Variants in SOX5 observed in about 807,000 individuals in gnomAD.
SOX5 encodes the protein SRY-box transcription factor 5.
In SOX5, 9 loss-of-function variants were observed where a neutral mutation model predicts 92.0. The ratio of observed to expected loss-of-function variants is 0.10; its 90% CI spans 0.06 to 0.17. The LOEUF is 0.17. SOX5 is among the 10% of genes least tolerant of loss of function. The pLI is 1.00. For missense variants in SOX5, 642 were observed against 944.5 expected, an observed-to-expected ratio of 0.68 and a Z score of 4.20; for synonymous variants, 344 against 336.3, an observed-to-expected ratio of 1.02 and a Z score of -0.25.
At chr12:23,727,098 T>C (rs950997663) in intron 6 of SOX5, among the ~76,000 whole-genome samples, 2 of 151,782 alleles carry the variant, frequency 1.3e-5, no homozygotes, top group Non-Finnish European at 2.9e-5. Context: ...AAAGAAAAAA[T>C]GTCCTTCCAT....
chr12:24,137,502 C>T (rs1238949480), intron 4 of SOX5, among the ~76,000 whole-genome samples: 1 of 152,012 alleles, frequency 6.6e-6, no homozygotes, highest in Non-Finnish European at 1.5e-5. Context: ...CATGGTGGCG[C>T]GCACCTGTAA....
intron 8 of SOX5, among the ~76,000 whole-genome samples, chr12:23,625,154 C>T (rs985697549): frequency 5.3e-5 from 8 of 152,298 alleles, no homozygotes; most frequent in African/African-American, 1.9e-4. Flanking sequence ...TAAAGCAATT[C>T]TTTCCATTTC....
chr12:24,297,609 T>G (rs930864211), intron 2 of SOX5, among the ~76,000 whole-genome samples: 1 of 152,182 alleles, frequency 6.6e-6, no homozygotes, highest in Non-Finnish European at 1.5e-5. Flanking sequence ...GCCGAGAAGA[T>G]CTGATACCTT....
chr12:24,401,939 T>C (rs1961807354), intron 1 of SOX5, among the ~76,000 whole-genome samples: 1 of 152,130 alleles, frequency 6.6e-6, no homozygotes, highest in Admixed American at 6.5e-5. Context: ...GTATTTAGAA[T>C]GTATAACATA....
chr12:24,148,992 T>C (rs969443472), intron 4 of SOX5, among the ~76,000 whole-genome samples: 1 of 152,148 alleles, frequency 6.6e-6, no homozygotes, highest in African/African-American at 2.4e-5. Flanking sequence ...AAGTATAGTG[T>C]TTTTAATAAG....
intron 6 of SOX5, among the ~76,000 whole-genome samples, chr12:23,682,784 T>C (rs1380541408): frequency 6.6e-6 from 1 of 151,814 alleles, no homozygotes; most frequent in Admixed American, 6.6e-5. Flanking sequence ...AAAATGTTTT[T>C]CAAAAATTGA....
intron 1 of SOX5, among the ~76,000 whole-genome samples, chr12:24,407,317 G>T (rs192751698): frequency 2.6e-5 from 4 of 152,270 alleles, no homozygotes; most frequent in East Asian, 1.9e-4. Context: ...AAAGAACTGG[G>T]ATCCACCCCC....
At chr12:24,323,903 T>A (rs1385839418) in intron 2 of SOX5, among the ~76,000 whole-genome samples, 1 of 152,122 alleles carries the variant, frequency 6.6e-6, no homozygotes, top group African/African-American at 2.4e-5. Flanking sequence ...TAGCTAAGTT[T>A]CTAAATTTCT....
At chr12:23,805,714 T>G (rs1377596557) in intron 3 of SOX5, among the ~76,000 whole-genome samples, 2 of 152,180 alleles carry the variant, frequency 1.3e-5, no homozygotes, top group Non-Finnish European at 2.9e-5. Flanking sequence ...GGATGATCTA[T>G]ACAAATGTAT....
chr12:23,700,060 T>C (rs2090415737), intron 6 of SOX5, among the ~76,000 whole-genome samples: 1 of 152,146 alleles, frequency 6.6e-6, no homozygotes, highest in Non-Finnish European at 1.5e-5. Context: ...GCTATACCTG[T>C]TCTCTCTCTG....
intron 4 of SOX5, among the ~76,000 whole-genome samples, chr12:24,121,358 G>A (rs913157924): frequency 1.3e-5 from 2 of 152,172 alleles, no homozygotes; most frequent in African/African-American, 2.4e-5. Context: ...TCACATGTCT[G>A]AACAGAATCT....
At chr12:23,536,137 G>T (rs982228334) in intron 14 of SOX5, among the ~76,000 whole-genome samples, 1 of 152,206 alleles carries the variant, frequency 6.6e-6, no homozygotes, top group African/African-American at 2.4e-5. Context: ...TGAAGCTTAG[G>T]AAGTAATGCA....
At chr12:23,800,843 A>G (rs972532642) in intron 3 of SOX5, among the ~76,000 whole-genome samples, 6 of 152,150 alleles carry the variant, frequency 3.9e-5, no homozygotes, top group African/African-American at 1.2e-4. Flanking sequence ...CTGTTTGCTT[A>G]TCTGTCAAAT....
At chr12:23,950,950 G>T (rs966550080), upstream of SOX5, 13 of 1,322,134 alleles carry the variant, frequency 9.8e-6, no homozygotes, top group Non-Finnish European at 1.4e-5. Flanking sequence ...ACCAACAGGA[G>T]ATAGTGTGCA....
intron 4 of SOX5, among the ~76,000 whole-genome samples, chr12:24,207,944 T>C (rs1958189251): frequency 6.6e-6 from 1 of 152,170 alleles, no homozygotes; most frequent in East Asian, 1.9e-4. Context: ...CTCAAAACAA[T>C]TCATGCCCTC....
At chr12:23,620,649 A>G (rs1003777624) in intron 8 of SOX5, among the ~76,000 whole-genome samples, 8 of 152,110 alleles carry the variant, frequency 5.3e-5, no homozygotes, top group Admixed American at 1.3e-4. Context: ...TCACTACCCC[A>G]ACACATATAA....
intron 2 of SOX5, among the ~76,000 whole-genome samples, chr12:23,886,582 TA>T (rs1365433808): frequency 6.6e-6 from 1 of 152,074 alleles, no homozygotes; most frequent in Non-Finnish European, 1.5e-5. Flanking sequence ...TTTGAAAGTG[TA>T]ATAAAAAATA....
intron 2 of SOX5, among the ~76,000 whole-genome samples, chr12:23,872,078 A>C (rs1393837149): frequency 4.0e-5 from 6 of 149,950 alleles, no homozygotes; most frequent in African/African-American, 1.5e-4. Context: ...GCTCACTGCA[A>C]GCTCCGCCTC....
intron 6 of SOX5, among the ~76,000 whole-genome samples, chr12:23,695,940 CAAAAAAAAA>C (rs71059917): frequency 5.0e-4 from 6 of 11,924 alleles, no homozygotes; most frequent in African/African-American, 1.4e-3. Flanking sequence ...GACTCTGTCT[CAAAAAAAAA>C]AAAAAAAAAA....
Sources: allele counts gnomAD v4.1 joint callset (sites outside exome capture counted in the v4.1 genomes callset), GRCh38; gene constraint gnomAD v4.1.1; transcripts MANE v1.5; gene names NCBI Gene and HGNC (gene_info 2026-07-23, HGNC 2026-07-21).